TSGA10: variants seen among roughly 807,000 people sequenced by gnomAD.
The protein encoded by TSGA10 is testis-specific gene 10 protein.
In TSGA10, 43 loss-of-function variants were observed where a neutral mutation model predicts 96.6. That is an observed-to-expected ratio of 0.44 (90% CI 0.35 to 0.57). The LOEUF (loss-of-function observed/expected upper bound fraction) is 0.57, where lower values mean the gene tolerates loss of function less well. TSGA10 is among the 20% of genes least tolerant of loss of function. TSGA10 has a pLI of 0.01. For missense variants in TSGA10, 703 were observed against 834.4 expected, an observed-to-expected ratio of 0.84 and a Z score of 1.94; for synonymous variants, 229 against 269.9, an observed-to-expected ratio of 0.85 and a Z score of 1.48.
intron 1 of TSGA10, chr2:99,147,116 G>A (rs2093640242): frequency 9.0e-6 from 2 of 223,078 alleles, no homozygotes; most frequent in Non-Finnish European, 1.8e-5. Context: ...TCCTGTACCT[G>A]TACAAGGTTA....
intron 16 of TSGA10, among the ~76,000 whole-genome samples, chr2:99,045,015 G>C (rs1184986935): frequency 6.6e-6 from 1 of 151,954 alleles, no homozygotes; most frequent in East Asian, 1.9e-4. Flanking sequence ...AGAATCTCTG[G>C]GACACATTTA....
chr2:99,037,210 C>T (rs948595654), intron 16 of TSGA10, among the ~76,000 whole-genome samples: 25 of 152,182 alleles, frequency 1.6e-4, no homozygotes, highest in Admixed American at 3.9e-4. Context: ...TTCAAGCTCA[C>T]ATGCAACATT....
chr2:99,085,325 C>A (rs1234285881), intron 10 of TSGA10, among the ~76,000 whole-genome samples: 1 of 151,814 alleles, frequency 6.6e-6, no homozygotes, highest in Non-Finnish European at 1.5e-5. Flanking sequence ...AAAGGAGAAG[C>A]CAGGCATGAT....
At position 99,108,976 on chromosome 2, in the gene TSGA10, C is replaced by T; in HGVS notation, c.67G>A (p.Val23Ile). 1 of 1,587,212 alleles carries T rather than the reference C, an allele frequency of 6.3e-7. No homozygotes were observed. The change falls in exon 7 of 21, where the codon GTA becomes ATA. Residue 23 changes from valine to isoleucine, a missense_variant. By Grantham distance (29) the Val-to-Ile change is conservative. Around this residue, in one of 3 missense-constraint regions of TSGA10, gnomAD observed 585 missense variants for 656.8 expected, o/e 0.89. Transcript: ENST00000393483. ...CTTGTTGTTGTCTTCAAAAGTTCTA[C>T]ATCACAGTTTGCACCCTATAATTAT... is the stretch of plus-strand genomic sequence containing the variant. ...SPTARGANCDVELLKTTTRDR... is the reference protein window; with the variant it reads ...SPTARGANCDIELLKTTTRDR...
At chr2:99,030,153 C>A (rs1057225941) in intron 17 of TSGA10, among the ~76,000 whole-genome samples, 8 of 151,744 alleles carry the variant, frequency 5.3e-5, no homozygotes, top group Admixed American at 5.3e-4. Flanking sequence ...TCGAGACCAG[C>A]CTGGGAAATA....
chr2:99,143,312 TTTG>T lies in TSGA10; in HGVS notation c.-621+11378_-621+11380del, dbSNP rs1171873287. ...GCCCACTACTACGCCCAGCTTTTTT[TTTG>T]TTTGTTTTTTGTTTTTTGTATTTTT... On this transcript the variant is annotated intron_variant, in intron 1 of 20. Coordinates refer to ENST00000393483, the MANE Select transcript of TSGA10 (RefSeq NM_025244.4). 6.0e-5 allele frequency among the ~76,000 whole-genome samples: 9 copies of T among 151,120 alleles called. No homozygotes were observed. The East Asian group carries it at 7.9e-4, about 13-fold the overall frequency.
chr2:99,147,973 C>T (rs1461632441), intron 1 of TSGA10, among the ~76,000 whole-genome samples: 10 of 152,122 alleles, frequency 6.6e-5, no homozygotes, highest in Non-Finnish European at 1.3e-4. Flanking sequence ...CTAATATTGT[C>T]CCATATCCAA....
At chr2:99,024,609 T>A (rs2080386510) in intron 17 of TSGA10, among the ~76,000 whole-genome samples, 1 of 152,192 alleles carries the variant, frequency 6.6e-6, no homozygotes, top group Non-Finnish European at 1.5e-5. Flanking sequence ...GAGATAGTTT[T>A]ACTTCTTTTC....
At chr2:99,065,417 T>G (rs2051929716) in intron 15 of TSGA10, among the ~76,000 whole-genome samples, 1 of 152,138 alleles carries the variant, frequency 6.6e-6, no homozygotes, top group Admixed American at 6.5e-5. Context: ...TATATTTCCT[T>G]TTGTTTGAAG....
chr2:99,013,878 C>T (rs984074954), intron 20 of TSGA10, among the ~76,000 whole-genome samples: 8 of 151,498 alleles, frequency 5.3e-5, no homozygotes, highest in East Asian at 2.0e-4. Flanking sequence ...TAAGGCTGGG[C>T]GCAGTGCCTC....
At chr2:99,093,871 C>T (rs1191070527) in intron 10 of TSGA10, among the ~76,000 whole-genome samples, 2 of 151,966 alleles carry the variant, frequency 1.3e-5, no homozygotes, top group Non-Finnish European at 2.9e-5. Context: ...CAAAATAACA[C>T]CATCTTTCTT....
chr2:99,141,029 C>T (rs749925431), intron 1 of TSGA10: 1 of 1,201,286 alleles, frequency 8.3e-7, no homozygotes, highest in South Asian at 1.4e-5. Context: ...TCTCAGAGAC[C>T]TTCCAGTCCA....
In TSGA10 at chr2:99,024,968, C is replaced by A. The variant is rs75205396; in HGVS notation, c.1615-4486G>T. Among the ~76,000 whole-genome samples, 9 of 152,200 alleles carry A rather than the reference C, an allele frequency of 5.9e-5. No homozygotes were observed. The East Asian group carries it at 1.7e-3, about 29-fold the overall frequency. ...TGATTTTTCAGTTGTTAAACCAACC[C>A]AGCATTCATGGAATAAACCTTACTA... On this transcript the variant is annotated intron_variant, in intron 17 of 20. Coordinates refer to ENST00000393483, the MANE Select transcript of TSGA10 (RefSeq NM_025244.4).
chr2:99,011,447 G>A (rs116781132), intron 20 of TSGA10, among the ~76,000 whole-genome samples: 8,227 of 152,190 alleles, frequency 0.054, 417 homozygotes, highest in East Asian at 0.21. Flanking sequence ...CAGGTCTTTA[G>A]AATTAGCCCA....
intron 15 of TSGA10, 119 bp from the exon 16 acceptor site, chr2:99,065,243 A>T: frequency 9.3e-7 from 1 of 1,073,290 alleles, no homozygotes; most frequent in Non-Finnish European, 1.3e-6. Flanking sequence ...TAGAACCCTG[A>T]GGAAATATAT....
At chr2:99,025,971 T>C (rs2080525475) in intron 17 of TSGA10, among the ~76,000 whole-genome samples, 1 of 152,252 alleles carries the variant, frequency 6.6e-6, no homozygotes, top group Non-Finnish European at 1.5e-5. Context: ...ATAAGTTCAA[T>C]CCTTTTAAAT....
intron 2 of TSGA10, 74 bp from the exon 3 acceptor site, chr2:99,118,760 A>C: frequency 7.7e-6 from 6 of 779,376 alleles, no homozygotes; most frequent in Non-Finnish European, 9.4e-6. Flanking sequence ...CCAAAAATAC[A>C]AAGATAGGTT....
At chr2:99,150,082 G>A (rs1013798359) in intron 1 of TSGA10, among the ~76,000 whole-genome samples, 1 of 152,222 alleles carries the variant, frequency 6.6e-6, no homozygotes, top group East Asian at 1.9e-4. Context: ...GTGGGCCACC[G>A]CACCCAGCCA....
intron 20 of TSGA10, among the ~76,000 whole-genome samples, chr2:99,003,009 C>T (rs2078080776): frequency 6.6e-6 from 1 of 152,076 alleles, no homozygotes; most frequent in African/African-American, 2.4e-5. Flanking sequence ...TAGGCAAGTG[C>T]CACCATGCCC....
Sources: gnomAD v4.1 joint callset for allele counts (sites outside exome capture counted in the v4.1 genomes callset) on GRCh38, gnomAD v4.1.1 for gene constraint, gnomAD v4.1.1 regional missense constraint, MANE v1.5 for transcripts, NCBI Gene and HGNC (gene_info 2026-07-23, HGNC 2026-07-21) for gene names.